Variants in MIR2052HG observed in about 807,000 individuals in gnomAD.
MIR2052HG encodes the protein MIR2052 host gene.
At chr8:74,703,718 A>G (rs1208136555) in intron 4 of MIR2052HG, 1 of 438,090 alleles carries the variant, frequency 2.3e-6, no homozygotes, top group East Asian at 7.2e-5. Flanking sequence ...GGGATCTGGA[A>G]GTCATGTGGA....
At chr8:74,692,319 T>G (rs1809248066) in intron 2 of MIR2052HG, among the ~76,000 whole-genome samples, 1 of 152,186 alleles carries the variant, frequency 6.6e-6, no homozygotes, top group Non-Finnish European at 1.5e-5. Context: ...CTCAAATTCT[T>G]GGCTTCAAGT....
chr8:74,653,658 CACCTGAAGGACAGATCATT>C (rs1808775062), intron 2 of MIR2052HG, among the ~76,000 whole-genome samples: 1 of 152,156 alleles, frequency 6.6e-6, no homozygotes, highest in African/African-American at 2.4e-5. Context: ...AATGGGACCA[CACCTGAAGGACAGATCATT>C]ACATGAAATA....
At chr8:74,721,776 G>A (rs762672612) in intron 4 of MIR2052HG, among the ~76,000 whole-genome samples, 1 of 152,186 alleles carries the variant, frequency 6.6e-6, no homozygotes, top group Non-Finnish European at 1.5e-5. Context: ...AGATTTTAGG[G>A]GAGGGAATTA....
At chr8:74,675,012 T>G (rs910932213) in intron 2 of MIR2052HG, among the ~76,000 whole-genome samples, 1 of 151,990 alleles carries the variant, frequency 6.6e-6, no homozygotes, top group African/African-American at 2.4e-5. Context: ...TTTCCACGTA[T>G]TATATCTTTC....
intron 2 of MIR2052HG, among the ~76,000 whole-genome samples, chr8:74,626,000 A>G (rs1227794241): frequency 6.6e-6 from 1 of 152,196 alleles, no homozygotes; most frequent in Non-Finnish European, 1.5e-5. Context: ...CATTAATTAC[A>G]GAAGCCCCAA....
At chr8:74,706,967 T>A (rs1476422939) in intron 4 of MIR2052HG, among the ~76,000 whole-genome samples, 1 of 152,114 alleles carries the variant, frequency 6.6e-6, no homozygotes. Context: ...TAAAATGTAT[T>A]GGTTAAGAAA....
At chr8:74,687,495 A>C (rs1213534458) in intron 2 of MIR2052HG, among the ~76,000 whole-genome samples, 1 of 152,156 alleles carries the variant, frequency 6.6e-6, no homozygotes. Context: ...ATATACATAC[A>C]ATGGAATTAT....
intron 2 of MIR2052HG, among the ~76,000 whole-genome samples, chr8:74,655,019 C>G (rs566919948): frequency 6.6e-6 from 1 of 152,226 alleles, no homozygotes; most frequent in African/African-American, 2.4e-5. Context: ...TATGTTTTAG[C>G]AAAGAGACTG....
At position 74,644,612 on chromosome 8, in the gene MIR2052HG, C is replaced by T. The variant is rs576548452; in HGVS notation, n.216+31672C>T. Among the ~76,000 whole-genome samples the T allele has an allele frequency of 3.3e-5, 5 of 152,178 alleles. No homozygotes were observed. In the East Asian group the frequency reaches 7.7e-4, roughly 24 times the overall value. On this transcript the variant is annotated intron_variant and non_coding_transcript_variant, in intron 2 of 6. Coordinates refer to ENST00000523442, the Ensembl canonical transcript of MIR2052HG. ...GCCCTGTAGAAAAACCACTTGTCAC[C>T]GGGCACAGTGGCTCACGCCTACAAT...
intron 2 of MIR2052HG, among the ~76,000 whole-genome samples, chr8:74,688,606 A>G (rs1308157131): frequency 6.6e-6 from 1 of 152,230 alleles, no homozygotes; most frequent in Non-Finnish European, 1.5e-5. Flanking sequence ...TAGCAAAGCT[A>G]AGTACACGTT....
chr8:74,729,407 A>T (rs193203820), intron 4 of MIR2052HG, among the ~76,000 whole-genome samples: 1 of 152,308 alleles, frequency 6.6e-6, no homozygotes, highest in African/African-American at 2.4e-5. Context: ...ATAAATACAT[A>T]ACACACTGCC....
intron 2 of MIR2052HG, among the ~76,000 whole-genome samples, chr8:74,688,553 T>C (rs75253442): frequency 0.013 from 1,935 of 152,354 alleles, 31 homozygotes; most frequent in African/African-American, 0.045. Flanking sequence ...TGGTTTTTCT[T>C]CTTTAACTTA....
At chr8:74,664,586 C>T (rs568757960) in intron 2 of MIR2052HG, among the ~76,000 whole-genome samples, 14 of 152,242 alleles carry the variant, frequency 9.2e-5, no homozygotes, top group South Asian at 4.2e-4. Context: ...AGCACAATCT[C>T]GGCTCACTGC....
chr8:74,673,910 T>TATACATAC (rs1485340799), intron 2 of MIR2052HG, among the ~76,000 whole-genome samples: 2 of 133,230 alleles, frequency 1.5e-5, no homozygotes, highest in African/African-American at 6.8e-5. Context: ...TATATATATA[T>TATACATAC]ACACACACAA....
At chr8:74,662,304 A>G (rs1252117172) in intron 2 of MIR2052HG, among the ~76,000 whole-genome samples, 3 of 152,154 alleles carry the variant, frequency 2.0e-5, no homozygotes, top group Non-Finnish European at 2.9e-5. Context: ...TTGCCTATTT[A>G]TATATTCCAA....
chr8:74,673,609 T>C (rs921262725), intron 2 of MIR2052HG, among the ~76,000 whole-genome samples: 1 of 151,966 alleles, frequency 6.6e-6, no homozygotes, highest in Non-Finnish European at 1.5e-5. Flanking sequence ...AAATTTTATA[T>C]ATATGTGGCC....
chr8:74,623,103 C>A (rs1257654798), intron 2 of MIR2052HG, among the ~76,000 whole-genome samples: 2 of 152,092 alleles, frequency 1.3e-5, no homozygotes, highest in Non-Finnish European at 2.9e-5. Flanking sequence ...TAACAGCAAC[C>A]TAGTGTATAT....
At chr8:74,713,242 A>G (rs546485462) in intron 4 of MIR2052HG, among the ~76,000 whole-genome samples, 4 of 152,334 alleles carry the variant, frequency 2.6e-5, no homozygotes, top group Non-Finnish European at 5.9e-5. Context: ...TCAAAAATAT[A>G]TCTTGAATTT....
chr8:74,657,626 G>A lies in MIR2052HG; in HGVS notation n.216+44686G>A, dbSNP rs1217826989. On this transcript the variant is annotated intron_variant and non_coding_transcript_variant, in intron 2 of 6. Transcript: ENST00000523442. ...ACTTACAACTCCACATGGCTGGGGA[G>A]GCCTCACAATCATTGCGGAAGGTGA... Among the ~76,000 whole-genome samples the A allele has an allele frequency of 2.0e-5, 3 of 152,186 alleles. No individual in the cohort carries two copies. The East Asian group carries it at 5.8e-4, about 29-fold the overall frequency.
Sources: gnomAD v4.1 joint callset for allele counts (sites outside exome capture counted in the v4.1 genomes callset) on GRCh38, gnomAD v4.1.1 for gene constraint, MANE v1.5 for transcripts, NCBI Gene and HGNC (gene_info 2026-07-23, HGNC 2026-07-21) for gene names.